The following SLC35F4 variants were observed in gnomAD, a reference collection of about 807,000 sequenced individuals.
SLC35F4 encodes the protein solute carrier family 35 member F4.
SLC35F4 carries 24 observed loss-of-function variants against 44.2 expected under a neutral mutation model. That is an observed-to-expected ratio of 0.54 (90% confidence interval 0.39 to 0.76). The LOEUF (loss-of-function observed/expected upper bound fraction) is 0.76. SLC35F4 is among the 30% of genes least tolerant of loss of function. The probability of loss-of-function intolerance (pLI) is 0.00; values close to 1 mark genes in which losing one functional copy is unlikely to be tolerated. For synonymous variants in SLC35F4, 238 were observed against 223.6 expected, an observed-to-expected ratio of 1.06 and a Z score of -0.57; for missense variants, 562 against 586.1, an observed-to-expected ratio of 0.96 and a Z score of 0.42.
chr14:57,661,032 A>G (rs1269902088), intron 1 of SLC35F4, among the ~76,000 whole-genome samples: 1 of 152,222 alleles, frequency 6.6e-6, no homozygotes, highest in African/African-American at 2.4e-5. Flanking sequence ...TCGGCACTGT[A>G]GGTGAACTTA....
At chr14:57,676,058 A>G (rs2074682803) in intron 1 of SLC35F4, among the ~76,000 whole-genome samples, 2 of 152,066 alleles carry the variant, frequency 1.3e-5, no homozygotes, top group Admixed American at 6.6e-5. Flanking sequence ...ATATTCACAA[A>G]CTATGCATCT....
At chr14:57,618,682 G>A (rs557987853) in intron 1 of SLC35F4, among the ~76,000 whole-genome samples, 7 of 152,156 alleles carry the variant, frequency 4.6e-5, no homozygotes, top group African/African-American at 1.4e-4. Flanking sequence ...CAATGCCAGC[G>A]AGCCAGAACC....
chr14:57,615,621 GA>G (rs1256149588), intron 1 of SLC35F4, among the ~76,000 whole-genome samples: 1 of 148,084 alleles, frequency 6.8e-6, no homozygotes, highest in Non-Finnish European at 1.5e-5. Context: ...CATTTTCTTT[GA>G]AAAAAAATAC....
intron 1 of SLC35F4, among the ~76,000 whole-genome samples, chr14:57,901,480 T>C (rs1412626329): frequency 6.6e-6 from 1 of 151,958 alleles, no homozygotes; most frequent in African/African-American, 2.4e-5. Context: ...GGAGAACACA[T>C]AGACACATTG....
At chr14:57,658,988 T>C (rs1385438358) in intron 1 of SLC35F4, among the ~76,000 whole-genome samples, 3 of 152,120 alleles carry the variant, frequency 2.0e-5, no homozygotes, top group Non-Finnish European at 4.4e-5. Context: ...GGTCCCACAG[T>C]CACCCTTAGG....
chr14:57,854,244 T>C (rs552017565), intron 1 of SLC35F4, among the ~76,000 whole-genome samples: 11 of 152,304 alleles, frequency 7.2e-5, no homozygotes, highest in African/African-American at 2.4e-4. Flanking sequence ...ACAGTACTTG[T>C]GTTAGGGTAA....
At chr14:57,770,483 A>C (rs1345981643) in intron 1 of SLC35F4, among the ~76,000 whole-genome samples, 1 of 152,232 alleles carries the variant, frequency 6.6e-6, no homozygotes, top group East Asian at 1.9e-4. Flanking sequence ...GGGCTATACT[A>C]TCTCAATGAA....
At position 57,934,946 on chromosome 14, in the gene SLC35F4, T is replaced by C. The variant is rs148841774; in HGVS notation, n.282+46967A>G. Among the ~76,000 whole-genome samples, 71 of 152,278 alleles carry C rather than the reference T, an allele frequency of 4.7e-4. 1 individual carries two copies. Among genetic ancestry groups the C allele is most frequent in the Admixed American group, 3.0e-3 (46 of 15,292 alleles). ...TTGGATCTGCAGCCACAAATGAGCTTTGAATACCTTTCCCTGTGCACTGAA... is the reference window on the plus strand; with the variant it reads ...TTGGATCTGCAGCCACAAATGAGCTCTGAATACCTTTCCCTGTGCACTGAA... On this transcript the variant is annotated intron_variant and non_coding_transcript_variant, in intron 1 of 1. Transcript: ENST00000556568.
chr14:57,784,444 G>A (rs1486811584), intron 1 of SLC35F4, among the ~76,000 whole-genome samples: 1 of 152,288 alleles, frequency 6.6e-6, no homozygotes, highest in Middle Eastern at 3.4e-3. Flanking sequence ...AACACTTTGG[G>A]AGGCCAAGGC....
chr14:57,745,293 G>A lies in SLC35F4; in HGVS notation c.103+120430C>T, dbSNP rs564654742. Among the ~76,000 whole-genome samples, 432 of 152,260 alleles carry A rather than the reference G, an allele frequency of 2.8e-3. 4 individuals carry two copies. The highest frequency in any genetic ancestry group is 9.9e-3 in the African/African-American group (412 of 41,530). On this transcript the variant is annotated intron_variant, in intron 1 of 7. Transcript: ENST00000556826. ...AGAGAAACTACCATCAGAGTGAACA[G>A]GCAACCTACAGAAAGGGAGAAAATT...
rs1482174007 is a variant in SLC35F4, at chr14:57,679,829, A to C, written c.104-85705T>G. On this transcript the variant is annotated intron_variant, in intron 1 of 7. Coordinates refer to ENST00000556826, the MANE Select transcript of SLC35F4 (RefSeq NM_001306087.2). Reference sequence around the variant, plus strand: ...CCCTCCCAAGACCAAACCAAGAAGAAGTCGAATCCCTGAATCGACCAATAA... The same window carrying C: ...CCCTCCCAAGACCAAACCAAGAAGACGTCGAATCCCTGAATCGACCAATAA... 2.0e-5 allele frequency among the ~76,000 whole-genome samples: 3 copies of C among 152,102 alleles called. No individual in the cohort carries two copies. The South Asian group carries it at 6.2e-4, about 31-fold the overall frequency.
intron 1 of SLC35F4, among the ~76,000 whole-genome samples, chr14:57,681,144 A>C (rs139598497): frequency 6.6e-6 from 1 of 152,132 alleles, no homozygotes; most frequent in Non-Finnish European, 1.5e-5. Context: ...ACAGTAACCA[A>C]AACAGCATGG....
intron 1 of SLC35F4, among the ~76,000 whole-genome samples, chr14:57,920,495 C>T (rs1889420159): frequency 6.6e-6 from 1 of 152,126 alleles, no homozygotes; most frequent in Admixed American, 6.5e-5. Context: ...ATTGCTTGAG[C>T]CCAGGAGCTC....
chr14:57,793,638 T>C (rs577124834), intron 1 of SLC35F4, among the ~76,000 whole-genome samples: 2 of 152,046 alleles, frequency 1.3e-5, no homozygotes, highest in East Asian at 1.9e-4. Context: ...TCCGTTCATA[T>C]TGTTGATTCT....
chr14:57,958,132 A>T (rs1002245576), intron 1 of SLC35F4, among the ~76,000 whole-genome samples: 23 of 151,400 alleles, frequency 1.5e-4, no homozygotes, highest in Non-Finnish European at 1.0e-4. Context: ...ATCTCAGCTC[A>T]CCGCAAGCTC....
chr14:57,968,821 T>C (rs1470027151), intron 1 of SLC35F4, among the ~76,000 whole-genome samples: 1 of 152,200 alleles, frequency 6.6e-6, no homozygotes, highest in Non-Finnish European at 1.5e-5. Flanking sequence ...AAAATTAAAC[T>C]TCCCCATATT....
intron 1 of SLC35F4, among the ~76,000 whole-genome samples, chr14:57,947,923 T>C (rs1171869244): frequency 6.6e-6 from 1 of 152,226 alleles, no homozygotes. Flanking sequence ...TTGGATTTGG[T>C]TAGCTAGTAT....
In SLC35F4 at chr14:57,874,157, A is replaced by C. The variant is rs143051452; in HGVS notation, n.282+107756T>G. On this transcript the variant is annotated intron_variant and non_coding_transcript_variant, in intron 1 of 1. Coordinates refer to the SLC35F4 transcript ENST00000556568. ...AATGCATCTTCATCTGACTACTACTACTCCTCCCTCAGCTGTTTCAAAAGG... is the reference window on the plus strand; with the variant it reads ...AATGCATCTTCATCTGACTACTACTCCTCCTCCCTCAGCTGTTTCAAAAGG... 3.4e-4 allele frequency among the ~76,000 whole-genome samples: 52 copies of C among 151,418 alleles called. 1 individual carries two copies. Among genetic ancestry groups the C allele is most frequent in the African/African-American group, 1.2e-3 (50 of 41,220 alleles).
upstream of SLC35F4, among the ~76,000 whole-genome samples, chr14:57,868,427 T>C (rs1888227357): frequency 6.6e-6 from 1 of 152,152 alleles, no homozygotes; most frequent in Admixed American, 6.5e-5. Context: ...CTTTCAATAG[T>C]CATTTTAGAC....
Sources: allele counts gnomAD v4.1 joint callset (sites outside exome capture counted in the v4.1 genomes callset), GRCh38; gene constraint gnomAD v4.1.1; transcripts MANE v1.5; gene names NCBI Gene and HGNC (gene_info 2026-07-23, HGNC 2026-07-21).